Variants in CCDC38 observed in about 807,000 individuals in gnomAD.
CCDC38 encodes the protein coiled-coil domain-containing protein 38.
In CCDC38, 69 loss-of-function variants were observed where a neutral mutation model predicts 72.8. The ratio of observed to expected loss-of-function variants is 0.95; its 90% CI spans 0.78 to 1.16. The LOEUF (loss-of-function observed/expected upper bound fraction) is 1.16. Ranked by LOEUF, CCDC38 falls within the 50% of genes most tolerant of loss-of-function variation. CCDC38 has a pLI of 0.00. For missense variants in CCDC38, 626 were observed against 638.9 expected, an observed-to-expected ratio of 0.98 and a Z score of 0.22; for synonymous variants, 201 against 213.2, an observed-to-expected ratio of 0.94 and a Z score of 0.50.
At chr12:95,908,086 G>A (rs890461089) in intron 4 of CCDC38, among the ~76,000 whole-genome samples, 4 of 152,078 alleles carry the variant, frequency 2.6e-5, no homozygotes, top group Admixed American at 6.5e-5. Flanking sequence ...CTGCAATCTC[G>A]GCACTTTGGG....
At chr12:95,924,951 T>C (rs1438698595) in intron 2 of CCDC38, among the ~76,000 whole-genome samples, 1 of 141,394 alleles carries the variant, frequency 7.1e-6, no homozygotes, top group African/African-American at 2.6e-5. Flanking sequence ...AGCCTTGTAG[T>C]ATAGTTTGAA....
chr12:95,923,192 A>C (rs906837713), intron 2 of CCDC38, among the ~76,000 whole-genome samples: 4 of 152,102 alleles, frequency 2.6e-5, no homozygotes, highest in African/African-American at 9.7e-5. Flanking sequence ...ACTGAATTAC[A>C]TCACCAGCTC....
intron 5 of CCDC38, among the ~76,000 whole-genome samples, chr12:95,902,277 T>C (rs963252010): frequency 7.2e-5 from 11 of 152,184 alleles, no homozygotes; most frequent in African/African-American, 2.2e-4. Flanking sequence ...TTTTGACATA[T>C]GTATATACTT....
rs1220478709 is a variant in CCDC38, at chr12:95,872,304, C to A, written c.1435G>T (p.Glu479Ter). 6.2e-7 allele frequency: 1 copy of A among 1,614,042 alleles called. No individual in the cohort carries two copies. The highest frequency in any genetic ancestry group is 8.5e-7 in the Non-Finnish European group (1 of 1,180,014). The change falls in exon 14 of 16, where the codon GAA becomes TAA. Residue 479 changes from glutamate to a stop codon, truncating the protein, a stop_gained. Coordinates refer to ENST00000344280, the MANE Select transcript of CCDC38 (RefSeq NM_182496.3). LOFTEE classifies it high-confidence loss of function. ...LCDLIESIPK[E>*]NVEAIERMKQ... ...ATCCTCTCAATTGCCTCCACATTTT[C>A]TTTGGGAATGGATTCGATGAGGTCA...
chr12:95,874,139 AAAT>A (rs1180199722), intron 13 of CCDC38, among the ~76,000 whole-genome samples: 1 of 152,264 alleles, frequency 6.6e-6, no homozygotes, highest in Non-Finnish European at 1.5e-5. Context: ...ATATAAAAGA[AAAT>A]AAAAGTAACC....
Position 95,878,326 on chromosome 12 carries a change from A to G in CCDC38, c.1163T>C (p.Leu388Pro), listed in dbSNP as rs762948398. 37 of 1,613,112 alleles carry G rather than the reference A, an allele frequency of 2.3e-5. 3 individuals are homozygous for G. The Middle Eastern group carries it at 4.1e-3, about 180-fold the overall frequency. Residue 388 changes from leucine to proline, a missense_variant, in exon 13 of 16, where the codon CTT (leucine) becomes CCT (proline). Leu to Pro is a moderately conservative substitution (Grantham distance 98). Transcript: ENST00000344280. Reference sequence around the variant, plus strand: ...TTTAAGCATTTTTTCTTGCTCCAAAAGAAACTCTATGTTGCTATTTCTATT... The same window carrying G: ...TTTAAGCATTTTTTCTTGCTCCAAAGGAAACTCTATGTTGCTATTTCTATT... Reference protein sequence around the residue: ...QDKTNSNIEFLLEQEKMLKAN... With the variant: ...QDKTNSNIEFPLEQEKMLKAN...
Position 95,940,471 on chromosome 12 carries a change from G to C in CCDC38, c.-15+1960C>G, listed in dbSNP as rs76543683. On this transcript the variant is annotated intron_variant, in intron 1 of 15. Coordinates refer to ENST00000344280, the MANE Select transcript of CCDC38 (RefSeq NM_182496.3). ...GCAACAACCCCCTCTAAAACCCAAT[G>C]AAAACGAATTTCCAGATGATCTCAA... Among the ~76,000 whole-genome samples the C allele has an allele frequency of 2.0e-5, 3 of 152,254 alleles. No individual in the cohort carries two copies. The East Asian group carries it at 5.8e-4, about 29-fold the overall frequency.
intron 10 of CCDC38, among the ~76,000 whole-genome samples, chr12:95,886,551 T>C (rs1300270396): frequency 3.3e-5 from 5 of 152,168 alleles, no homozygotes; most frequent in Non-Finnish European, 7.3e-5. Context: ...AGAGAAATTC[T>C]TTGCAAACCA....
At chr12:95,869,667 G>T (rs1401708003) in intron 14 of CCDC38, 94 bp from the exon 15 acceptor site, 7 of 855,880 alleles carry the variant, frequency 8.2e-6, no homozygotes, top group Non-Finnish European at 1.3e-5. Context: ...GTGACTAGAA[G>T]ACCTCCTTTA....
intron 8 of CCDC38, among the ~76,000 whole-genome samples, chr12:95,893,757 A>G (rs1241124126): frequency 6.6e-6 from 1 of 152,082 alleles, no homozygotes; most frequent in Non-Finnish European, 1.5e-5. Flanking sequence ...CTGGGATTAC[A>G]GACATGAGCC....
chr12:95,877,949 C>T (rs79635296), intron 13 of CCDC38, among the ~76,000 whole-genome samples: 13,252 of 152,166 alleles, frequency 0.087, 643 homozygotes, highest in African/African-American at 0.13. Flanking sequence ...AAATGTATTT[C>T]GAGGGGAAAC....
In CCDC38 at chr12:95,879,536, C is replaced by A; in HGVS notation, c.1142+108G>T. On this transcript the variant is annotated intron_variant, in intron 12 of 15. Transcript: ENST00000344280. The surrounding 1 kb of genome is among the most constrained non-coding windows in gnomAD (Gnocchi z 5.5). ...CAATGTAAACTATTAAAAACCCCAG[C>A]CTACATTCACAGAGACCACGAGGAA... The A allele has an allele frequency of 2.9e-6, 2 of 692,776 alleles. No homozygotes were observed. The highest frequency in any genetic ancestry group is 2.3e-5 in the South Asian group (1 of 43,094). The allele number at this position is 692,776 out of a possible 1,614,324, so 42.9% of individuals were successfully genotyped here.
At chr12:95,895,810 G>A (rs1248204737) in intron 7 of CCDC38, among the ~76,000 whole-genome samples, 2 of 143,264 alleles carry the variant, frequency 1.4e-5, no homozygotes, top group Admixed American at 7.0e-5. Context: ...GTAATCCCAG[G>A]ACTTTGGGAG....
chr12:95,932,027 G>A (rs1342526052), intron 2 of CCDC38, among the ~76,000 whole-genome samples: 1 of 152,124 alleles, frequency 6.6e-6, no homozygotes, highest in Non-Finnish European at 1.5e-5. Flanking sequence ...TCGGGGGACT[G>A]TAGTAGCAAG....
chr12:95,895,078 G>C lies in CCDC38; in HGVS notation c.683C>G (p.Ser228Cys). 1 of 1,612,944 alleles carries C rather than the reference G, an allele frequency of 6.2e-7. No individual in the cohort carries two copies. The highest frequency in any genetic ancestry group is 8.5e-7 in the Non-Finnish European group (1 of 1,179,508). ...TTGCTGGATTTGCCAATGTTTTGGAGACATTTGCAGCAGAAAAAAACCATA... is the reference window on the plus strand; with the variant it reads ...TTGCTGGATTTGCCAATGTTTTGGACACATTTGCAGCAGAAAAAAACCATA... Reference protein sequence around the residue: ...MKYGFFLLQMSPKHWQIQQAL... With the variant: ...MKYGFFLLQMCPKHWQIQQAL... Residue 228 changes from serine to cysteine, a missense_variant, in exon 8 of 16, where the codon TCT (serine) becomes TGT (cysteine). Physicochemically the swap from Ser to Cys is moderately radical, Grantham distance 112. Transcript: ENST00000344280.
chr12:95,930,478 C>T (rs981061133), intron 2 of CCDC38, among the ~76,000 whole-genome samples: 2 of 152,158 alleles, frequency 1.3e-5, no homozygotes, highest in South Asian at 4.1e-4. Flanking sequence ...CTCCATTCTT[C>T]ACATGACCTT....
intron 2 of CCDC38, among the ~76,000 whole-genome samples, chr12:95,920,500 T>C: frequency 6.6e-6 from 1 of 152,196 alleles, no homozygotes; most frequent in East Asian, 1.9e-4. Flanking sequence ...AGTATATCCA[T>C]ACAAGGAACT....
intron 1 of CCDC38, among the ~76,000 whole-genome samples, chr12:95,941,400 A>G (rs1475443639): frequency 6.6e-6 from 1 of 152,176 alleles, no homozygotes; most frequent in East Asian, 1.9e-4. Context: ...TTTATGTTTT[A>G]TTTTATTTAA....
chr12:95,876,654 C>T (rs1002275796), intron 13 of CCDC38, among the ~76,000 whole-genome samples: 4 of 152,268 alleles, frequency 2.6e-5, no homozygotes, highest in Non-Finnish European at 4.4e-5. Flanking sequence ...TGCACAACCC[C>T]ATCCCCTACT....
Sources: gnomAD v4.1 joint callset for allele counts (sites outside exome capture counted in the v4.1 genomes callset) on GRCh38, gnomAD v4.1.1 for gene constraint, Gnocchi (gnomAD v3.1) non-coding constraint, MANE v1.5 for transcripts, NCBI Gene and HGNC (gene_info 2026-07-23, HGNC 2026-07-21) for gene names.